Variants in ZNF804B observed in about 807,000 individuals in gnomAD.
ZNF804B encodes zinc finger protein 804B.
Under a neutral mutation model 101.4 loss-of-function variants are expected in ZNF804B, and 80 were observed. That is an observed-to-expected ratio of 0.79 (90% CI 0.66 to 0.95). The LOEUF is 0.95. ZNF804B is among the 40% of genes least tolerant of loss of function. The pLI is 0.00. For synonymous variants in ZNF804B, 622 were observed against 558.8 expected, an observed-to-expected ratio of 1.11 and a Z score of -1.59; for missense variants, 1,673 against 1,561.9, an observed-to-expected ratio of 1.07 and a Z score of -1.20.
At chr7:88,804,580 T>G (rs1280079562) in intron 1 of ZNF804B, among the ~76,000 whole-genome samples, 3 of 151,532 alleles carry the variant, frequency 2.0e-5, no homozygotes, top group African/African-American at 7.3e-5. Flanking sequence ...TATGATGAGG[T>G]GACATAAACA....
In ZNF804B at chr7:89,329,835, C is replaced by T. The variant is rs185271203; in HGVS notation, c.380+2361C>T. On this transcript the variant is annotated intron_variant, in intron 3 of 3. Coordinates refer to ENST00000333190, the MANE Select transcript of ZNF804B (RefSeq NM_181646.5). ...AGTGGTGTCATTTCTTAATGTTCCA[C>T]GTTATCTAGCTCTTATATGAAGTTT... Among the ~76,000 whole-genome samples, 34 of 151,558 alleles carry T rather than the reference C, an allele frequency of 2.2e-4. No individual in the cohort carries two copies. The East Asian group carries it at 3.1e-3, about 14-fold the overall frequency.
intron 2 of ZNF804B, among the ~76,000 whole-genome samples, chr7:89,252,099 A>G (rs965325665): frequency 1.3e-5 from 2 of 148,984 alleles, no homozygotes; most frequent in African/African-American, 5.0e-5. Context: ...AAAAGAACCT[A>G]TCAATAAGAG....
intron 1 of ZNF804B, among the ~76,000 whole-genome samples, chr7:88,881,675 CA>C (rs909911036): frequency 1.3e-5 from 2 of 151,528 alleles, no homozygotes; most frequent in East Asian, 1.9e-4. Flanking sequence ...CATATCAGGA[CA>C]AAAAAAATAA....
chr7:89,242,540 T>C (rs1789387256), intron 2 of ZNF804B, among the ~76,000 whole-genome samples: 1 of 151,840 alleles, frequency 6.6e-6, no homozygotes, highest in Admixed American at 6.6e-5. Flanking sequence ...CTGTTTCTAA[T>C]GTGTGGACAA....
chr7:88,899,089 T>C (rs114958021), intron 1 of ZNF804B, among the ~76,000 whole-genome samples: 23 of 152,312 alleles, frequency 1.5e-4, no homozygotes, highest in African/African-American at 5.1e-4. Flanking sequence ...TTAGATTCCA[T>C]TCTGGTCCAC....
intron 1 of ZNF804B, among the ~76,000 whole-genome samples, chr7:89,111,686 C>T (rs79847874): frequency 0.014 from 2,164 of 152,158 alleles, 54 homozygotes; most frequent in African/African-American, 0.05. Flanking sequence ...TTTTAAGTTT[C>T]TTTCTCAGAG....
At chr7:88,872,966 G>A (rs1271294579) in intron 1 of ZNF804B, among the ~76,000 whole-genome samples, 2 of 151,850 alleles carry the variant, frequency 1.3e-5, no homozygotes, top group South Asian at 2.1e-4. Flanking sequence ...ATGATTTATA[G>A]TCCTTTGGGT....
chr7:88,951,136 G>T (rs927828836), intron 1 of ZNF804B, among the ~76,000 whole-genome samples: 3 of 151,826 alleles, frequency 2.0e-5, no homozygotes, highest in African/African-American at 7.2e-5. Flanking sequence ...CTCTAGCATG[G>T]CAGAAAACCT....
intron 1 of ZNF804B, among the ~76,000 whole-genome samples, chr7:89,059,783 A>G (rs2116279655): frequency 6.6e-6 from 1 of 152,254 alleles, no homozygotes; most frequent in East Asian, 1.9e-4. Flanking sequence ...AATACCTAAA[A>G]ACCTGGTAAA....
intron 1 of ZNF804B, among the ~76,000 whole-genome samples, chr7:89,036,340 C>T (rs1788927185): frequency 1.3e-5 from 2 of 151,748 alleles, no homozygotes; most frequent in East Asian, 3.9e-4. Context: ...AGACCCTTAA[C>T]ACTGATGTGC....
chr7:89,214,964 C>T (rs1562918252), intron 1 of ZNF804B, among the ~76,000 whole-genome samples: 1 of 152,116 alleles, frequency 6.6e-6, no homozygotes, highest in Non-Finnish European at 1.5e-5. Context: ...AGATTTTATA[C>T]AAAACATGAA....
At chr7:89,205,066 C>T (rs1487264138) in intron 1 of ZNF804B, among the ~76,000 whole-genome samples, 1 of 152,130 alleles carries the variant, frequency 6.6e-6, no homozygotes, top group Non-Finnish European at 1.5e-5. Flanking sequence ...TACATGGCAG[C>T]AGGCAAGAGC....
At chr7:89,042,366 G>A (rs118157185) in intron 1 of ZNF804B, among the ~76,000 whole-genome samples, 3,516 of 152,274 alleles carry the variant, frequency 0.023, 54 homozygotes, top group Non-Finnish European at 0.039. Flanking sequence ...GGTGTTTCAT[G>A]AGGGTTTTTC....
At chr7:89,137,175 A>C (rs1467173025) in intron 1 of ZNF804B, among the ~76,000 whole-genome samples, 1 of 152,072 alleles carries the variant, frequency 6.6e-6, no homozygotes, top group Non-Finnish European at 1.5e-5. Context: ...AAAATATGGA[A>C]GATATTATGG....
intron 2 of ZNF804B, among the ~76,000 whole-genome samples, chr7:89,219,045 T>A (rs113511476): frequency 3.3e-5 from 5 of 149,486 alleles, no homozygotes; most frequent in South Asian, 2.2e-4. Flanking sequence ...CAAAGTTACT[T>A]AACTAGTTAG....
At chr7:89,219,255 G>C (rs909952187) in intron 2 of ZNF804B, among the ~76,000 whole-genome samples, 1 of 152,182 alleles carries the variant, frequency 6.6e-6, no homozygotes, top group South Asian at 2.1e-4. Context: ...ATCTATTATA[G>C]TCTACATCTT....
intron 1 of ZNF804B, among the ~76,000 whole-genome samples, chr7:89,061,382 C>T (rs1345736587): frequency 1.4e-5 from 2 of 138,956 alleles, no homozygotes; most frequent in African/African-American, 5.8e-5. Context: ...GGCCCAAACC[C>T]CATGAAAATG....
chr7:88,868,160 A>G (rs761551056), intron 1 of ZNF804B, among the ~76,000 whole-genome samples: 1 of 151,754 alleles, frequency 6.6e-6, no homozygotes, highest in Admixed American at 6.6e-5. Context: ...CTATATTTCA[A>G]TGTCGAAGGT....
intron 1 of ZNF804B, among the ~76,000 whole-genome samples, chr7:89,047,332 A>C (rs530868532): frequency 6.6e-6 from 1 of 152,338 alleles, no homozygotes; most frequent in East Asian, 1.9e-4. Flanking sequence ...ACCAGATTAT[A>C]GGGAAACTTA....
Sources: allele counts gnomAD v4.1 joint callset (sites outside exome capture counted in the v4.1 genomes callset), GRCh38; gene constraint gnomAD v4.1.1; transcripts MANE v1.5; gene names NCBI Gene and HGNC (gene_info 2026-07-23, HGNC 2026-07-21).